Variants in PARD3 observed in about 807,000 individuals in gnomAD.
The protein encoded by PARD3 is partitioning defective 3 homolog.
Under a neutral mutation model 155.4 loss-of-function variants are expected in PARD3, and 75 were observed. The observed-to-expected ratio is 0.48, with a 90% CI of 0.40 to 0.58. The LOEUF (loss-of-function observed/expected upper bound fraction) is 0.58. Ranked by LOEUF, PARD3 falls within the 20% of genes least tolerant of loss-of-function variation. The pLI is 0.00. For synonymous variants in PARD3, 576 were observed against 610.5 expected (o/e 0.94, Z 0.83); for missense variants, 1,642 against 1,721.7 (o/e 0.95, Z 0.82).
At chr10:34,421,148 G>A (rs2132421564) in intron 5 of PARD3, among the ~76,000 whole-genome samples, 1 of 152,060 alleles carries the variant, frequency 6.6e-6, no homozygotes, top group South Asian at 2.1e-4. Context: ...CTCCAGCCTT[G>A]GCAACAAAGC....
intron 2 of PARD3, among the ~76,000 whole-genome samples, chr10:34,669,770 A>G (rs953397751): frequency 5.9e-5 from 9 of 152,220 alleles, no homozygotes; most frequent in Non-Finnish European, 1.3e-4. Context: ...CTGCATTAAA[A>G]TGTGATTTAA....
chr10:34,605,284 C>T (rs969567644), intron 2 of PARD3, among the ~76,000 whole-genome samples: 14 of 136,876 alleles, frequency 1.0e-4, no homozygotes, highest in African/African-American at 2.7e-4. Flanking sequence ...GCTCCACCTC[C>T]GGGGTTCACG....
chr10:34,679,827 T>C (rs1027224266), intron 2 of PARD3, among the ~76,000 whole-genome samples: 3 of 152,134 alleles, frequency 2.0e-5, no homozygotes, highest in Non-Finnish European at 4.4e-5. Flanking sequence ...CATTATCCTA[T>C]GTGAAATCAC....
At chr10:34,667,552 T>C (rs1454019994) in intron 2 of PARD3, among the ~76,000 whole-genome samples, 1 of 152,210 alleles carries the variant, frequency 6.6e-6, no homozygotes, top group South Asian at 2.1e-4. Flanking sequence ...AAAAAGATAT[T>C]TGATAGCCTT....
chr10:34,709,912 C>T (rs2094426200), intron 1 of PARD3, among the ~76,000 whole-genome samples: 1 of 152,008 alleles, frequency 6.6e-6, no homozygotes, highest in Admixed American at 6.6e-5. Context: ...TAATTTTAAA[C>T]AAATTTAATG....
chr10:34,612,610 G>T (rs940923888), intron 2 of PARD3, among the ~76,000 whole-genome samples: 30 of 152,210 alleles, frequency 2.0e-4, no homozygotes, highest in Non-Finnish European at 7.3e-5. Context: ...TGTGAACCTT[G>T]ATGATTAATT....
chr10:34,145,221 A>ATATTTTTTTTT (rs1491430560), intron 22 of PARD3, among the ~76,000 whole-genome samples: 1 of 33,972 alleles, frequency 2.9e-5, no homozygotes, highest in African/African-American at 1.4e-4. Flanking sequence ...ATATATATAT[A>ATATTTTTTTTT]TTTTTTTTTT....
At chr10:34,689,441 A>C (rs1196852661) in intron 2 of PARD3, among the ~76,000 whole-genome samples, 2 of 152,232 alleles carry the variant, frequency 1.3e-5, no homozygotes, top group Non-Finnish European at 2.9e-5. Context: ...AATGTCACTC[A>C]ACAATATTTA....
intron 22 of PARD3, among the ~76,000 whole-genome samples, chr10:34,145,215 A>ATTTT (rs1431781010): frequency 4.2e-3 from 239 of 57,502 alleles, no homozygotes; most frequent in Non-Finnish European, 5.4e-3. Flanking sequence ...ATATATATAT[A>ATTTT]TATATATTTT....
intron 2 of PARD3, among the ~76,000 whole-genome samples, chr10:34,582,664 T>C (rs562400254): frequency 6.6e-6 from 1 of 152,284 alleles, no homozygotes; most frequent in South Asian, 2.1e-4. Context: ...ACTATTGATG[T>C]GTTATGCGCT....
chr10:34,804,746 G>T (rs1405819807), intron 1 of PARD3, among the ~76,000 whole-genome samples: 1 of 152,050 alleles, frequency 6.6e-6, no homozygotes, highest in Non-Finnish European at 1.5e-5. Flanking sequence ...ACTTAGAGAA[G>T]AAAATTAAAA....
intron 2 of PARD3, among the ~76,000 whole-genome samples, chr10:34,528,075 G>A (rs2082599124): frequency 6.6e-6 from 1 of 152,026 alleles, no homozygotes; most frequent in African/African-American, 2.4e-5. Flanking sequence ...TTAAAAAACT[G>A]AACACAGAAT....
At chr10:34,152,834 G>T (rs1210146436) in intron 22 of PARD3, among the ~76,000 whole-genome samples, 1 of 152,146 alleles carries the variant, frequency 6.6e-6, no homozygotes, top group Non-Finnish European at 1.5e-5. Context: ...TAAGATGTAG[G>T]TGTTAATTAT....
chr10:34,282,939 TA>T (rs1194315528), intron 21 of PARD3, among the ~76,000 whole-genome samples: 2 of 152,018 alleles, frequency 1.3e-5, no homozygotes, highest in South Asian at 2.1e-4. Context: ...TTTTTAAAAA[TA>T]AAAATTGAGG....
At chr10:34,328,517 A>C (rs576135474) in intron 19 of PARD3, among the ~76,000 whole-genome samples, 1 of 152,290 alleles carries the variant, frequency 6.6e-6, no homozygotes, top group East Asian at 1.9e-4. Flanking sequence ...TTTACAAAGG[A>C]TCCCCATGTA....
At chr10:34,372,935 C>G (rs935164739) in intron 11 of PARD3, among the ~76,000 whole-genome samples, 2 of 151,984 alleles carry the variant, frequency 1.3e-5, no homozygotes, top group African/African-American at 2.4e-5. Context: ...ACAGTTTGAA[C>G]CACAGTCTGA....
At chr10:34,375,702 CAT>C (rs774611757) in intron 10 of PARD3, among the ~76,000 whole-genome samples, 18 of 152,082 alleles carry the variant, frequency 1.2e-4, no homozygotes, top group South Asian at 2.1e-4. Context: ...GAAATGAGAG[CAT>C]ATGTTTCCTT....
chr10:34,573,730 A>AAAACACAC (rs1197132914), intron 2 of PARD3, among the ~76,000 whole-genome samples: 10 of 36,338 alleles, frequency 2.8e-4, no homozygotes, highest in Non-Finnish European at 5.0e-4. Flanking sequence ...CAAACAAACA[A>AAAACACAC]ACAAAAACAC....
At chr10:34,286,635 G>C (rs1054612855) in intron 20 of PARD3, among the ~76,000 whole-genome samples, 4 of 152,188 alleles carry the variant, frequency 2.6e-5, no homozygotes, top group Non-Finnish European at 5.9e-5. Flanking sequence ...GAATGGGAGA[G>C]AAAAAGAGAA....
Sources: gnomAD v4.1 joint callset for allele counts (sites outside exome capture counted in the v4.1 genomes callset) on GRCh38, gnomAD v4.1.1 for gene constraint, MANE v1.5 for transcripts, NCBI Gene and HGNC (gene_info 2026-07-23, HGNC 2026-07-21) for gene names.